Variants in BRIP1 observed in about 807,000 individuals in gnomAD.
BRIP1 encodes the protein BRCA1 interacting DNA helicase 1.
BRIP1 carries 88 observed loss-of-function variants against 119.7 expected under a neutral mutation model. The observed-to-expected ratio is 0.74, with a 90% confidence interval of 0.62 to 0.88. The LOEUF is 0.88. BRIP1 is among the 40% of genes least tolerant of loss of function. The probability of loss-of-function intolerance (pLI) is 0.00; values close to 1 mark genes in which losing one functional copy is unlikely to be tolerated. For missense variants in BRIP1, 1,259 were observed against 1,455.4 expected, an observed-to-expected ratio of 0.87 and a Z score of 2.20; for synonymous variants, 443 against 496.5, an observed-to-expected ratio of 0.89 and a Z score of 1.43.
Position 61,808,594 on chromosome 17 carries a change from C to T in BRIP1, c.791G>A (p.Arg264Gln), listed in dbSNP as rs758360637. 1.1e-5 allele frequency: 18 copies of T among 1,613,808 alleles called. No individual in the cohort carries two copies. The highest frequency in any genetic ancestry group is 5.3e-5 in the African/African-American group (4 of 74,898). The change falls in exon 7 of 20, where the codon CGG becomes CAG. Residue 264 changes from arginine (R) to glutamine (Q), a missense_variant. Physicochemically the swap from Arg to Gln is conservative, Grantham distance 43 (BLOSUM62 1). This residue lies in a region of BRIP1 where 501 missense variants were observed against 544.0 expected (regional missense o/e 0.92). Transcript: ENST00000259008. The surrounding 1 kb of genome is among the most constrained non-coding windows in gnomAD (Gnocchi z 4.1). ...KQIAQITREL[R>Q]RTAYSGVPMT... ...TGGAACCCCTGAATATGCCGTCCTCCGGAGCTCTCTAGTAATCTGAGCAAT... is the reference window on the plus strand; with the variant it reads ...TGGAACCCCTGAATATGCCGTCCTCTGGAGCTCTCTAGTAATCTGAGCAAT...
intron 17 of BRIP1, among the ~76,000 whole-genome samples, chr17:61,696,039 G>A (rs12945164): frequency 6.6e-6 from 1 of 152,106 alleles, no homozygotes; most frequent in South Asian, 2.1e-4. Flanking sequence ...TCACTGTCGT[G>A]ATCTTGAACT....
At position 61,848,534 on chromosome 17, in the gene BRIP1, T is replaced by C. The variant is rs1294779207; in HGVS notation, c.507+595A>G. ...GCCTAATAATTATCTTTTTTATTTG[T>C]AACTAAATCTATTAAAATCCCAGCC... On this transcript the variant is annotated intron_variant, in intron 5 of 19. Transcript: ENST00000259008. This position sits in a 1 kb window ranked among gnomAD's most constrained non-coding sequence, Gnocchi z 4.3. 6.6e-6 allele frequency among the ~76,000 whole-genome samples: 1 copy of C among 152,178 alleles called. No homozygotes were observed. The highest frequency in any genetic ancestry group is 1.5e-5 in the Non-Finnish European group (1 of 68,038).
rs144749656 is a variant in BRIP1 at position 61,823,757 on chromosome 17, AACACACAC to A, written c.628-15008_628-15001del. Among the ~76,000 whole-genome samples, 316 of 131,744 alleles carry A rather than the reference AACACACAC, an allele frequency of 2.4e-3. 1 individual carries two copies. Among genetic ancestry groups the A allele is most frequent in the African/African-American group, 7.2e-3 (273 of 37,842 alleles). 86.4% of individuals were successfully genotyped at this position (131,744 alleles called of 152,430 possible). A position where few individuals can be genotyped will look rare whatever the true frequency, so the allele number is the denominator to read the frequency against. On this transcript the variant is annotated intron_variant, in intron 6 of 19. Transcript: ENST00000259008. The surrounding 1 kb of genome is among the most constrained non-coding windows in gnomAD (Gnocchi z 4.8). ...GCTCAATGACCCCAAGCACACAATA[AACACACAC>A]ACACACACACACACACACACACACA...
In BRIP1 at chr17:61,809,790, A is replaced by AT; in HGVS notation, c.628-1034dup. Reference sequence around the variant, plus strand: ...AAAGACTGTGTGCTAAAGAGTTTTAATTTAGTAGAACAAACACTCTACTTG... The same window carrying AT: ...AAAGACTGTGTGCTAAAGAGTTTTAATTTTAGTAGAACAAACACTCTACTTG... On this transcript the variant is annotated intron_variant, in intron 6 of 19. Coordinates refer to ENST00000259008, the MANE Select transcript of BRIP1 (RefSeq NM_032043.3). This position sits in a 1 kb window ranked among gnomAD's most constrained non-coding sequence, Gnocchi z 5.2. Among the ~76,000 whole-genome samples, 2 of 152,296 alleles carry AT rather than the reference A, an allele frequency of 1.3e-5. No individual in the cohort carries two copies. The highest frequency in any genetic ancestry group is 3.9e-4 in the East Asian group (2 of 5,190).
intron 14 of BRIP1, among the ~76,000 whole-genome samples, chr17:61,749,800 T>C (rs2077108645): frequency 6.6e-6 from 1 of 152,256 alleles, no homozygotes; most frequent in Non-Finnish European, 1.5e-5. Context: ...GTTTTGATAC[T>C]ACTGCAAATG....
Position 61,775,709 on chromosome 17 carries a change from A to C in BRIP1, c.2097+692T>G, listed in dbSNP as rs1321047232. 6.6e-6 allele frequency among the ~76,000 whole-genome samples: 1 copy of C among 152,230 alleles called. No homozygotes were observed. The highest frequency in any genetic ancestry group is 1.5e-5 in the Non-Finnish European group (1 of 68,032). ...TGAAGTAAAATGAGGGCAACGAAGAAAGTTTGGCTTAGATTAACTTTAATG... is the reference window on the plus strand; with the variant it reads ...TGAAGTAAAATGAGGGCAACGAAGACAGTTTGGCTTAGATTAACTTTAATG... On this transcript the variant is annotated intron_variant, in intron 14 of 19. Transcript: ENST00000259008. The surrounding 1 kb of genome is among the most constrained non-coding windows in gnomAD (Gnocchi z 4.4).
At position 61,794,070 on chromosome 17, in the gene BRIP1, C is replaced by A. The variant is rs1172504747; in HGVS notation, c.1341-341G>T. ...TCCCAAATATATATAAAAGGAAATG[C>A]AAAACAACCTAATAAAGAAATTAAA... On this transcript the variant is annotated intron_variant, in intron 9 of 19. Transcript: ENST00000259008. This position sits in a 1 kb window ranked among gnomAD's most constrained non-coding sequence, Gnocchi z 4.3. Among the ~76,000 whole-genome samples, 1 of 151,876 alleles carries A rather than the reference C, an allele frequency of 6.6e-6. No individual in the cohort carries two copies. The highest frequency in any genetic ancestry group is 1.5e-5 in the Non-Finnish European group (1 of 67,948).
chr17:61,799,125 G>T lies in BRIP1; in HGVS notation c.1315C>A (p.Arg439=), dbSNP rs587780226. The T allele has an allele frequency of 6.2e-7, 1 of 1,613,458 alleles. No homozygotes were observed. The highest frequency in any genetic ancestry group is 8.5e-7 in the Non-Finnish European group (1 of 1,179,510). Residue 439 remains arginine, a synonymous_variant, in exon 9 of 20, where the codon CGA becomes AGA. Coordinates refer to ENST00000259008, the MANE Select transcript of BRIP1 (RefSeq NM_032043.3). The surrounding 1 kb of genome is among the most constrained non-coding windows in gnomAD (Gnocchi z 5.1). The part of the protein sequence containing the change: ...NIRKKDHEPL[R]AVCCSLINWL... Reference sequence around the variant, plus strand: ...TTAATGAGGCTACAGCACACAGCTCGTAGGGGTTCATGATCTTTCTTCCTT... The same window carrying T: ...TTAATGAGGCTACAGCACACAGCTCTTAGGGGTTCATGATCTTTCTTCCTT...
rs930500600 is a variant in BRIP1 at position 61,679,315 on chromosome 17, A to G, written c.*3981T>C. Among the ~76,000 whole-genome samples the G allele has an allele frequency of 1.3e-5, 2 of 152,244 alleles. No homozygotes were observed. Among genetic ancestry groups the G allele is most frequent in the Non-Finnish European group, 2.9e-5 (2 of 68,030 alleles). On this transcript the variant is annotated 3_prime_UTR_variant, in exon 20 of 20. Transcript: ENST00000259008. This position sits in a 1 kb window ranked among gnomAD's most constrained non-coding sequence, Gnocchi z 4.4. Reference sequence around the variant, plus strand: ...AAACCCATGTAATAACTAAGTGCATAGAAACATAGTAATAGTTTTATAACA... The same window carrying G: ...AAACCCATGTAATAACTAAGTGCATGGAAACATAGTAATAGTTTTATAACA...
rs1567793520 is a variant in BRIP1 at position 61,759,147 on chromosome 17, G to A, written c.2098-14556C>T. Among the ~76,000 whole-genome samples the A allele has an allele frequency of 6.6e-6, 1 of 152,014 alleles. No individual in the cohort carries two copies. The highest frequency in any genetic ancestry group is 1.5e-5 in the Non-Finnish European group (1 of 67,986). Reference sequence around the variant, plus strand: ...TAATTCCCAGAGCAATTTAGAAAGAGTAAGAAAAGAAGATCCAACTATATG... The same window carrying A: ...TAATTCCCAGAGCAATTTAGAAAGAATAAGAAAAGAAGATCCAACTATATG... On this transcript the variant is annotated intron_variant, in intron 14 of 19. Transcript: ENST00000259008. This position sits in a 1 kb window ranked among gnomAD's most constrained non-coding sequence, Gnocchi z 4.9.
At chr17:61,790,264 G>C (rs1339304014) in intron 10 of BRIP1, among the ~76,000 whole-genome samples, 1 of 152,142 alleles carries the variant, frequency 6.6e-6, no homozygotes, top group Non-Finnish European at 1.5e-5. Context: ...TTCATCTAGA[G>C]CCAGGTGCGG....
At chr17:61,685,268 A>C (rs1603276221) in intron 19 of BRIP1, 1 of 152,412 alleles carries the variant, frequency 6.6e-6, no homozygotes, top group Admixed American at 6.5e-5. Flanking sequence ...AATTTGGCCC[A>C]TGGGCCACAG....
chr17:61,692,055 T>A (rs932252011), intron 18 of BRIP1, among the ~76,000 whole-genome samples: 2 of 151,936 alleles, frequency 1.3e-5, no homozygotes, highest in Non-Finnish European at 3.0e-5. Context: ...TTCCCCCATG[T>A]CATAGGTGGG....
At chr17:61,765,829 G>GCACATGCACACACA (rs1555598347) in intron 14 of BRIP1, among the ~76,000 whole-genome samples, 5 of 146,428 alleles carry the variant, frequency 3.4e-5, no homozygotes, top group Non-Finnish European at 7.5e-5. Flanking sequence ...CTATATTCAT[G>GCACATGCACACACA]CACACACACA....
In BRIP1 at chr17:61,679,881, G is replaced by A. The variant is rs943900620; in HGVS notation, c.*3415C>T. On this transcript the variant is annotated 3_prime_UTR_variant, in exon 20 of 20. Coordinates refer to ENST00000259008, the MANE Select transcript of BRIP1 (RefSeq NM_032043.3). This position sits in a 1 kb window ranked among gnomAD's most constrained non-coding sequence, Gnocchi z 4.4. The stretch of plus-strand genomic sequence containing the variant: ...AGTTTACTTCTTGGAATATCATCTT[G>A]GTCAGTCATGATCTGAGGAGAATAT... Among the ~76,000 whole-genome samples the A allele has an allele frequency of 6.6e-6, 1 of 151,904 alleles. No individual in the cohort carries two copies. Among genetic ancestry groups the A allele is most frequent in the African/African-American group, 2.4e-5 (1 of 41,340 alleles).
At chr17:61,727,338 C>T (rs561591501) in intron 16 of BRIP1, among the ~76,000 whole-genome samples, 2 of 152,160 alleles carry the variant, frequency 1.3e-5, no homozygotes, top group South Asian at 2.1e-4. Context: ...TAAGCAAGAG[C>T]GAGCATGTAC....
rs1342334865 is a variant in BRIP1 at position 61,861,695 on chromosome 17, A to G, written c.-30-126T>C. 3.0e-6 allele frequency: 2 copies of G among 663,860 alleles called. No homozygotes were observed. Among genetic ancestry groups the G allele is most frequent in the African/African-American group, 1.8e-5 (1 of 55,000 alleles). The allele number at this position is 663,860 out of a possible 1,614,324, so 41.1% of individuals were successfully genotyped here. ...ATAAAAGTATAAACAAAACAAATGG[A>G]AACAAAATAATTTCCTAGTCTTATA... On this transcript the variant is annotated intron_variant, in intron 1 of 19. Transcript: ENST00000259008. This position sits in a 1 kb window ranked among gnomAD's most constrained non-coding sequence, Gnocchi z 4.5.
Position 61,857,320 on chromosome 17 carries a change from G to T in BRIP1, c.206-89C>A. ...AGCCCAGTTCACCCAGGATTGGGAG[G>T]TTTCCTAAGATAAAAGATTTTTAGG... On this transcript the variant is annotated intron_variant, in intron 3 of 19. Transcript: ENST00000259008. This position sits in a 1 kb window ranked among gnomAD's most constrained non-coding sequence, Gnocchi z 5.1. 1 of 1,265,510 alleles carries T rather than the reference G, an allele frequency of 7.9e-7. No individual in the cohort carries two copies. The highest frequency in any genetic ancestry group is 1.1e-6 in the Non-Finnish European group (1 of 925,010). The allele number at this position is 1,265,510 out of a possible 1,614,324, so 78.4% of individuals were successfully genotyped here.
rs1453385282 is a variant in BRIP1, at chr17:61,775,280, A to C, written c.2097+1121T>G. 1.3e-5 allele frequency among the ~76,000 whole-genome samples: 2 copies of C among 152,214 alleles called. No homozygotes were observed. Among genetic ancestry groups the C allele is most frequent in the African/African-American group, 4.8e-5 (2 of 41,470 alleles). On this transcript the variant is annotated intron_variant, in intron 14 of 19. Transcript: ENST00000259008. This position sits in a 1 kb window ranked among gnomAD's most constrained non-coding sequence, Gnocchi z 4.4. ...CGTTTTATTTTTAGATATTCTTGTA[A>C]AAAATTATCTGATTAAATATGTTTT...
Sources: gnomAD v4.1 joint callset for allele counts (sites outside exome capture counted in the v4.1 genomes callset) on GRCh38, gnomAD v4.1.1 for gene constraint, gnomAD v4.1.1 regional missense constraint, Gnocchi (gnomAD v3.1) non-coding constraint, MANE v1.5 for transcripts, NCBI Gene and HGNC (gene_info 2026-07-23, HGNC 2026-07-21) for gene names.